Variants in SFMBT2 observed in about 807,000 individuals in gnomAD.
The protein encoded by SFMBT2 is scm-like with four MBT domains protein 2.
A neutral mutation model predicts 110.1 loss-of-function variants in SFMBT2; 38 were observed. The observed-to-expected ratio is 0.35, with a 90% CI of 0.27 to 0.45. The LOEUF is 0.45. SFMBT2 is among the 20% of genes least tolerant of loss of function. SFMBT2 has a pLI of 1.00. For synonymous variants in SFMBT2, 425 were observed against 425.4 expected, an observed-to-expected ratio of 1.00 and a Z score of 0.01; for missense variants, 1,011 against 1,094.9, an observed-to-expected ratio of 0.92 and a Z score of 1.08.
chr10:7,233,661 G>A (rs938743260), intron 9 of SFMBT2, among the ~76,000 whole-genome samples: 9 of 152,326 alleles, frequency 5.9e-5, no homozygotes, highest in African/African-American at 2.2e-4. Context: ...AGTCCTTTCT[G>A]AGAAAGTTTC....
chr10:7,406,987 G>A (rs749197522), intron 1 of SFMBT2, among the ~76,000 whole-genome samples: 74 of 152,230 alleles, frequency 4.9e-4, no homozygotes, highest in African/African-American at 1.7e-3. Flanking sequence ...AGGGTTGGCG[G>A]GGGGGGAGGG....
At chr10:7,209,599 C>A (rs1013418461) in intron 11 of SFMBT2, among the ~76,000 whole-genome samples, 2 of 152,138 alleles carry the variant, frequency 1.3e-5, no homozygotes, top group Admixed American at 6.6e-5. Flanking sequence ...AGATGCACTG[C>A]CGAGTATAAA....
chr10:7,232,334 C>T (rs1484624516), intron 9 of SFMBT2, among the ~76,000 whole-genome samples: 1 of 151,974 alleles, frequency 6.6e-6, no homozygotes, highest in East Asian at 1.9e-4. Flanking sequence ...TTTGACGCAA[C>T]CATTTCACTT....
At chr10:7,259,956 C>T (rs1841142617) in intron 7 of SFMBT2, among the ~76,000 whole-genome samples, 1 of 152,240 alleles carries the variant, frequency 6.6e-6, no homozygotes, top group Non-Finnish European at 1.5e-5. Flanking sequence ...CTCCCACTGC[C>T]TCCACTTTGA....
chr10:7,249,986 C>G (rs879272245), intron 7 of SFMBT2, among the ~76,000 whole-genome samples: 1 of 152,128 alleles, frequency 6.6e-6, no homozygotes. Context: ...ACTGGCCACT[C>G]TAAATATTTA....
At chr10:7,380,252 T>C (rs1291150650) in intron 2 of SFMBT2, among the ~76,000 whole-genome samples, 1 of 152,188 alleles carries the variant, frequency 6.6e-6, no homozygotes, top group African/African-American at 2.4e-5. Flanking sequence ...GGAGGAACAA[T>C]GATCCAGCTT....
chr10:7,325,313 A>G (rs2131945014), intron 4 of SFMBT2, among the ~76,000 whole-genome samples: 1 of 152,274 alleles, frequency 6.6e-6, no homozygotes, highest in Middle Eastern at 3.4e-3. Flanking sequence ...GGGCTTCAAC[A>G]TAGGAATTTG....
At chr10:7,190,136 G>A (rs1420537465) in intron 15 of SFMBT2, among the ~76,000 whole-genome samples, 2 of 152,186 alleles carry the variant, frequency 1.3e-5, no homozygotes, top group African/African-American at 2.4e-5. Context: ...CACCCACCAA[G>A]AGAATGTGGC....
chr10:7,179,536 C>A (rs960982209), intron 16 of SFMBT2, among the ~76,000 whole-genome samples: 1 of 152,020 alleles, frequency 6.6e-6, no homozygotes, highest in Non-Finnish European at 1.5e-5. Flanking sequence ...GCAGTTTTAT[C>A]CACTACGAGT....
chr10:7,340,589 G>T (rs140604359), intron 4 of SFMBT2, among the ~76,000 whole-genome samples: 1 of 149,598 alleles, frequency 6.7e-6, no homozygotes, highest in African/African-American at 2.5e-5. Context: ...GGAAGTGGAG[G>T]CTGCAGTGAG....
At chr10:7,228,672 CTTCTTTCT>C (rs60421208) in intron 9 of SFMBT2, among the ~76,000 whole-genome samples, 3,088 of 84,642 alleles carry the variant, frequency 0.036, 243 homozygotes, top group African/African-American at 0.053. Flanking sequence ...ACTAAAGTGG[CTTCTTTCT>C]TTCTTTCTTT....
Position 7,267,543 on chromosome 10 carries a change from G to A in SFMBT2, c.870+9349C>T, listed in dbSNP as rs554248560. On this transcript the variant is annotated intron_variant, in intron 7 of 20. Transcript: ENST00000397167. ...GCTCACTGCAACCTCCGCCTCTCGG[G>A]TTCAAGTGACTTCTGGCTAATTTTT... is the stretch of plus-strand genomic sequence containing the variant. 2.6e-5 allele frequency among the ~76,000 whole-genome samples: 4 copies of A among 152,260 alleles called. No homozygotes were observed. In the East Asian group the frequency reaches 7.7e-4, roughly 29 times the overall value.
rs560827057 is a variant in SFMBT2, at chr10:7,276,769, G to A, written c.870+123C>T. On this transcript the variant is annotated intron_variant, in intron 7 of 20. Transcript: ENST00000397167. ...TCTCGATCTCCTGATGTCGTGATCCGCCCACCTCAGCCTCTCAAAGTGCTG... is the reference window on the plus strand; with the variant it reads ...TCTCGATCTCCTGATGTCGTGATCCACCCACCTCAGCCTCTCAAAGTGCTG... 6.5e-5 allele frequency: 43 copies of A among 664,326 alleles called. 1 individual carries two copies. Among genetic ancestry groups the A allele is most frequent in the South Asian group, 5.5e-4 (33 of 59,662 alleles). The allele number at this position is 664,326 out of a possible 1,614,324, so 41.2% of individuals were successfully genotyped here.
chr10:7,246,326 A>G (rs191438330), intron 8 of SFMBT2: 96 of 209,304 alleles, frequency 4.6e-4, no homozygotes, highest in African/African-American at 1.7e-3. Context: ...CTATTCAGCT[A>G]GAAAAAGAGA....
Position 7,163,541 on chromosome 10 carries a change from T to C in SFMBT2, c.*229A>G. 2.1e-6 allele frequency: 1 copy of C among 483,856 alleles called. No individual in the cohort carries two copies. Among genetic ancestry groups the C allele is most frequent in the Non-Finnish European group, 3.7e-6 (1 of 272,270 alleles). 30.0% of individuals were successfully genotyped at this position (483,856 alleles called of 1,614,324 possible). A position where few individuals can be genotyped will look rare whatever the true frequency, so the allele number is the denominator to read the frequency against. On this transcript the variant is annotated 3_prime_UTR_variant, in exon 21 of 21. Transcript: ENST00000397167. This position sits in a 1 kb window ranked among gnomAD's most constrained non-coding sequence, Gnocchi z 4.8. ...AGAAGCAGGCCCACGTCTGGCAGGGTCTGATGCATGACTTTAACTGGCACT... is the reference window on the plus strand; with the variant it reads ...AGAAGCAGGCCCACGTCTGGCAGGGCCTGATGCATGACTTTAACTGGCACT...
intron 7 of SFMBT2, among the ~76,000 whole-genome samples, chr10:7,254,246 C>T (rs996030290): frequency 6.6e-6 from 1 of 152,104 alleles, no homozygotes; most frequent in Non-Finnish European, 1.5e-5. Flanking sequence ...ATCCTATATT[C>T]TATCATTCAT....
chr10:7,198,363 A>C (rs1165793585), intron 14 of SFMBT2, among the ~76,000 whole-genome samples: 1 of 152,218 alleles, frequency 6.6e-6, no homozygotes, highest in Non-Finnish European at 1.5e-5. Context: ...GCTTTCATGA[A>C]TATGATTGTG....
chr10:7,366,609 C>A (rs1004385808), intron 4 of SFMBT2, among the ~76,000 whole-genome samples: 1 of 152,144 alleles, frequency 6.6e-6, no homozygotes, highest in Admixed American at 6.6e-5. Context: ...AAGGTGGCAT[C>A]AAGAGCCTGC....
chr10:7,164,287 G>T, intron 20 of SFMBT2: 1 of 600,424 alleles, frequency 1.7e-6, no homozygotes, highest in Non-Finnish European at 2.1e-6. Context: ...CTCAGAGGCT[G>T]AGGTGGGAGG....
Sources: gnomAD v4.1 joint callset for allele counts (sites outside exome capture counted in the v4.1 genomes callset) on GRCh38, gnomAD v4.1.1 for gene constraint, Gnocchi (gnomAD v3.1) non-coding constraint, MANE v1.5 for transcripts, NCBI Gene and HGNC (gene_info 2026-07-23, HGNC 2026-07-21) for gene names.